NRG1: variants seen among roughly 807,000 people sequenced by gnomAD.
NRG1 encodes the protein neuregulin 1, also known as pro-neuregulin-1, membrane-bound isoform.
Under a neutral mutation model 63.8 loss-of-function variants are expected in NRG1, and 18 were observed. The ratio of observed to expected loss-of-function variants is 0.28; its 90% CI spans 0.19 to 0.42. The LOEUF is 0.42. Ranked by LOEUF, NRG1 falls within the 10% of genes least tolerant of loss-of-function variation. NRG1 has a pLI of 1.00. For synonymous variants in NRG1, 302 were observed against 301.3 expected, an observed-to-expected ratio of 1.00 and a Z score of -0.02; for missense variants, 762 against 814.7, an observed-to-expected ratio of 0.94 and a Z score of 0.79.
intron 1 of NRG1, among the ~76,000 whole-genome samples, chr8:32,496,484 G>C (rs1336977770): frequency 6.6e-6 from 1 of 152,090 alleles, no homozygotes; most frequent in Non-Finnish European, 1.5e-5. Flanking sequence ...CACCTACTTG[G>C]GAAACTAAGG....
chr8:32,667,319 A>G (rs1427016126), intron 5 of NRG1, among the ~76,000 whole-genome samples: 2 of 152,190 alleles, frequency 1.3e-5, no homozygotes, highest in Non-Finnish European at 2.9e-5. Flanking sequence ...ATGTCCTTAT[A>G]TGGCACGTGA....
intron 1 of NRG1, among the ~76,000 whole-genome samples, chr8:32,234,093 A>C (rs1847286909): frequency 6.6e-6 from 1 of 152,222 alleles, no homozygotes; most frequent in African/African-American, 2.4e-5. Flanking sequence ...AATGAAATTC[A>C]TAAACAGAAT....
chr8:32,134,230 A>T (rs2131659219), intron 1 of NRG1, among the ~76,000 whole-genome samples: 1 of 152,276 alleles, frequency 6.6e-6, no homozygotes, highest in African/African-American at 2.4e-5. Flanking sequence ...AAGGCAGCAA[A>T]GTCACGCCTA....
chr8:32,461,864 A>G (rs547519817), intron 1 of NRG1, among the ~76,000 whole-genome samples: 3 of 152,316 alleles, frequency 2.0e-5, no homozygotes, highest in Admixed American at 6.5e-5. Context: ...AGCCTTAGAT[A>G]TCTAATAACT....
At chr8:32,328,673 T>G (rs547287702) in intron 1 of NRG1, among the ~76,000 whole-genome samples, 1 of 152,266 alleles carries the variant, frequency 6.6e-6, no homozygotes, top group Non-Finnish European at 1.5e-5. Flanking sequence ...TGTAATTTTT[T>G]TAAGATGAAA....
intron 5 of NRG1, among the ~76,000 whole-genome samples, chr8:32,634,118 A>AAAAAAAAAAAAAAG (rs1850869778): frequency 6.7e-6 from 1 of 150,080 alleles, no homozygotes; most frequent in Non-Finnish European, 1.5e-5. Context: ...AAAAAAAAAA[A>AAAAAAAAAAAAAAG]GGTTGCATAA....
At chr8:32,162,905 G>A (rs1838991566) in intron 1 of NRG1, among the ~76,000 whole-genome samples, 1 of 152,136 alleles carries the variant, frequency 6.6e-6, no homozygotes, top group East Asian at 1.9e-4. Context: ...GAGGAGGGGT[G>A]CAATATGAAC....
intron 1 of NRG1, among the ~76,000 whole-genome samples, chr8:31,797,534 T>C (rs1389351914): frequency 2.0e-5 from 3 of 152,168 alleles, no homozygotes; most frequent in Non-Finnish European, 4.4e-5. Flanking sequence ...AGTGCAGCCA[T>C]TATGGAAAAT....
chr8:32,455,913 C>T (rs1458135055), intron 1 of NRG1, among the ~76,000 whole-genome samples: 1 of 152,206 alleles, frequency 6.6e-6, no homozygotes, highest in South Asian at 2.1e-4. Flanking sequence ...CTCTGAGTAG[C>T]TGGGACTACA....
At chr8:31,783,440 C>T (rs962238452) in intron 1 of NRG1, among the ~76,000 whole-genome samples, 7 of 151,890 alleles carry the variant, frequency 4.6e-5, no homozygotes, top group African/African-American at 1.7e-4. Context: ...ATTTGTTTTC[C>T]CCCAGCCACT....
chr8:32,050,852 G>C (rs1821867603), intron 1 of NRG1, among the ~76,000 whole-genome samples: 1 of 152,116 alleles, frequency 6.6e-6, no homozygotes, highest in Non-Finnish European at 1.5e-5. Flanking sequence ...GCCATCATGG[G>C]GAATGATTTA....
chr8:32,709,740 T>A (rs1269331278), intron 5 of NRG1, among the ~76,000 whole-genome samples: 4 of 152,200 alleles, frequency 2.6e-5, no homozygotes, highest in South Asian at 2.1e-4. Flanking sequence ...ATATATATAT[T>A]TTTTGTCTCA....
intron 1 of NRG1, among the ~76,000 whole-genome samples, chr8:32,252,764 G>A (rs1311193317): frequency 6.6e-6 from 1 of 152,172 alleles, no homozygotes; most frequent in East Asian, 1.9e-4. Context: ...GGATAGCATT[G>A]AATCTATAAA....
At chr8:31,807,126 T>G (rs909279631) in intron 1 of NRG1, among the ~76,000 whole-genome samples, 1 of 152,180 alleles carries the variant, frequency 6.6e-6, no homozygotes, top group African/African-American at 2.4e-5. Context: ...TGGCTTCCCT[T>G]GGGAAATAGG....
intron 5 of NRG1, among the ~76,000 whole-genome samples, chr8:32,620,233 C>T (rs1848086381): frequency 6.6e-6 from 1 of 152,082 alleles, no homozygotes; most frequent in African/African-American, 2.4e-5. Flanking sequence ...GCTAGTAAAT[C>T]CCTGTATTTG....
chr8:31,693,939 G>T (rs1809788732), intron 1 of NRG1, among the ~76,000 whole-genome samples: 1 of 152,076 alleles, frequency 6.6e-6, no homozygotes. Context: ...GCCAGCTCAA[G>T]CCATCCTCCC....
intron 1 of NRG1, among the ~76,000 whole-genome samples, chr8:31,727,872 C>T (rs895755209): frequency 1.4e-4 from 21 of 152,064 alleles, no homozygotes; most frequent in East Asian, 1.9e-4. Context: ...CATCACTGCT[C>T]TTGTACTTCG....
intron 1 of NRG1, among the ~76,000 whole-genome samples, chr8:32,157,909 C>G (rs1838321012): frequency 6.6e-6 from 1 of 152,062 alleles, no homozygotes; most frequent in South Asian, 2.1e-4. Flanking sequence ...GGCACGGCTT[C>G]TTTCTCAAAG....
At chr8:32,193,202 T>C (rs1842657421) in intron 1 of NRG1, among the ~76,000 whole-genome samples, 2 of 152,060 alleles carry the variant, frequency 1.3e-5, no homozygotes, top group South Asian at 2.1e-4. Context: ...GATCCTTTAT[T>C]TGTGGGTGTT....
Sources: gnomAD v4.1 joint callset for allele counts (sites outside exome capture counted in the v4.1 genomes callset) on GRCh38, gnomAD v4.1.1 for gene constraint, MANE v1.5 for transcripts, NCBI Gene and HGNC (gene_info 2026-07-23, HGNC 2026-07-21) for gene names.